The following ZFYVE28 variants were observed in gnomAD, a reference collection of about 807,000 sequenced individuals.
The protein encoded by ZFYVE28 is lateral signaling target protein 2 homolog.
Under a neutral mutation model 82.1 loss-of-function variants are expected in ZFYVE28, and 40 were observed. The observed-to-expected ratio is 0.49, with a 90% CI of 0.38 to 0.63. The LOEUF (loss-of-function observed/expected upper bound fraction) is 0.63. ZFYVE28 is among the 30% of genes least tolerant of loss of function. The pLI, the probability that ZFYVE28 is intolerant of heterozygous loss-of-function variation, is 0.00. For synonymous variants in ZFYVE28, 612 were observed against 546.1 expected (o/e 1.12, Z -1.68); for missense variants, 1,321 against 1,242.1 (o/e 1.06, Z -0.96).
chr4:2,323,574 G>T (rs971811378), intron 6 of ZFYVE28, among the ~76,000 whole-genome samples: 1 of 150,912 alleles, frequency 6.6e-6, no homozygotes, highest in Non-Finnish European at 1.5e-5. Flanking sequence ...TTAAGTTTTA[G>T]GGTACATGTG....
intron 1 of ZFYVE28, among the ~76,000 whole-genome samples, chr4:2,406,085 A>AAATT (rs1397673350): frequency 3.4e-4 from 50 of 148,532 alleles, no homozygotes; most frequent in African/African-American, 1.2e-3. Context: ...AAAGGAAAGA[A>AAATT]AATTAGCCGG....
Position 2,270,575 on chromosome 4 carries a change from A to C in ZFYVE28, c.*150T>G. 8.4e-7 allele frequency: 1 copy of C among 1,186,674 alleles called. No homozygotes were observed. Among genetic ancestry groups the C allele is most frequent in the Non-Finnish European group, 1.2e-6 (1 of 842,888 alleles). 73.5% of individuals were successfully genotyped at this position (1,186,674 alleles called of 1,614,324 possible). A position where few individuals can be genotyped will look rare whatever the true frequency, so the allele number is the denominator to read the frequency against. On this transcript the variant is annotated 3_prime_UTR_variant, in exon 13 of 13. Transcript: ENST00000290974. ...TCCCTGCAGGGAGGCTAGCGTGGGC[A>C]GGACAGAGGCTCTGGATGCTCTGGA...
intron 1 of ZFYVE28, among the ~76,000 whole-genome samples, chr4:2,377,317 C>T (rs1024703046): frequency 2.0e-5 from 3 of 152,208 alleles, no homozygotes; most frequent in East Asian, 3.8e-4. Context: ...CCACTGCGCC[C>T]GGCCTAGGGC....
intron 7 of ZFYVE28, among the ~76,000 whole-genome samples, chr4:2,317,582 C>G (rs1198439204): frequency 6.6e-6 from 1 of 152,158 alleles, no homozygotes; most frequent in East Asian, 1.9e-4. Flanking sequence ...CCACATGCAA[C>G]TTCAAAATCT....
At chr4:2,357,553 G>A (rs548324631) in intron 1 of ZFYVE28, among the ~76,000 whole-genome samples, 3 of 152,242 alleles carry the variant, frequency 2.0e-5, no homozygotes, top group South Asian at 2.1e-4. Flanking sequence ...AAACCTGCCC[G>A]CTCCCCTTCA....
chr4:2,349,917 C>T (rs551761403), intron 2 of ZFYVE28, among the ~76,000 whole-genome samples: 38 of 152,206 alleles, frequency 2.5e-4, no homozygotes, highest in Admixed American at 5.2e-4. Context: ...GCTAACATCA[C>T]GCTTATCTTT....
rs202138783 is a variant in ZFYVE28 at position 2,270,779 on chromosome 4, G to T, written c.2610C>A (p.Thr870=). Residue 870 remains threonine (T), a synonymous_variant, in exon 13 of 13, where the codon ACC becomes ACA. Transcript: ENST00000290974. ...GCGTGACATGGAACATGTAGCAGTGGGTGCACACTCGGACCGGCTTCACCT... is the reference window on the plus strand; with the variant it reads ...GCGTGACATGGAACATGTAGCAGTGTGTGCACACTCGGACCGGCTTCACCT... ...YGQVKPVRVC[T]HCYMFHVTPF... 1.3e-5 allele frequency: 21 copies of T among 1,613,266 alleles called. No homozygotes were observed. In the East Asian group the frequency reaches 4.5e-4, roughly 34 times the overall value.
At chr4:2,294,983 CATT>C (rs1714319958) in intron 8 of ZFYVE28, among the ~76,000 whole-genome samples, 1 of 151,622 alleles carries the variant, frequency 6.6e-6, no homozygotes, top group African/African-American at 2.4e-5. Flanking sequence ...AGATTTTCAA[CATT>C]ATTATTCCTC....
At chr4:2,330,620 G>A (rs1240557782) in intron 6 of ZFYVE28, 3 of 1,350,094 alleles carry the variant, frequency 2.2e-6, no homozygotes, top group East Asian at 3.0e-5. Context: ...ATAGACAAGG[G>A]GACAGCATAG....
intron 6 of ZFYVE28, among the ~76,000 whole-genome samples, chr4:2,333,091 C>G (rs1055060509): frequency 6.6e-6 from 1 of 151,954 alleles, no homozygotes; most frequent in Non-Finnish European, 1.5e-5. Flanking sequence ...CCGAGGGGAC[C>G]CCACGCCAGT....
chr4:2,344,994 G>A (rs1366307047), intron 2 of ZFYVE28, among the ~76,000 whole-genome samples: 5 of 152,028 alleles, frequency 3.3e-5, no homozygotes, highest in East Asian at 1.9e-4. Context: ...GGTAGATCAC[G>A]AGGTCAGGAG....
chr4:2,327,193 T>G (rs1719957891), intron 6 of ZFYVE28, among the ~76,000 whole-genome samples: 1 of 143,870 alleles, frequency 7.0e-6, no homozygotes, highest in Non-Finnish European at 1.5e-5. Flanking sequence ...GAGGTTGTAG[T>G]GAGCTGAGAT....
At chr4:2,272,500 G>A (rs1162441640) in intron 10 of ZFYVE28, among the ~76,000 whole-genome samples, 2 of 152,220 alleles carry the variant, frequency 1.3e-5, no homozygotes, top group Non-Finnish European at 2.9e-5. Flanking sequence ...GCACGTGTGA[G>A]TGGGAGCGTA....
rs370314359 is a variant in ZFYVE28 at position 2,305,449 on chromosome 4, G to A, written c.891C>T (p.Arg297=). ...GGGCAGCGGGTCCCTGCACGTCTGC[G>A]CGGATGGGGAACTCCACGTCTTGGG... The part of the protein sequence containing the change: ...CISQDVEFPI[R]ADVQGPAALA... Residue 297 remains arginine (R), a synonymous_variant, in exon 8 of 13, where the codon CGC becomes CGT. Transcript: ENST00000290974. The A allele has an allele frequency of 4.3e-5, 69 of 1,612,956 alleles. No homozygotes were observed. The highest frequency in any genetic ancestry group is 1.0e-4 in the Admixed American group (6 of 60,030).
intron 8 of ZFYVE28, among the ~76,000 whole-genome samples, chr4:2,304,045 C>T (rs965599862): frequency 2.6e-5 from 4 of 152,252 alleles, no homozygotes; most frequent in Non-Finnish European, 5.9e-5. Context: ...ACATCAGAAA[C>T]AGGGAAGCGG....
chr4:2,411,273 A>G (rs1420709892), intron 1 of ZFYVE28, among the ~76,000 whole-genome samples: 6 of 152,208 alleles, frequency 3.9e-5, no homozygotes, highest in Non-Finnish European at 8.8e-5. Context: ...CCAGCAGGAA[A>G]ACAATGAGAA....
At chr4:2,279,334 A>G (rs1711582583) in intron 8 of ZFYVE28, among the ~76,000 whole-genome samples, 1 of 152,184 alleles carries the variant, frequency 6.6e-6, no homozygotes, top group African/African-American at 2.4e-5. Flanking sequence ...CGGGAAGCTG[A>G]GCAGGAGAAT....
At chr4:2,363,770 A>T (rs1475052052) in intron 1 of ZFYVE28, among the ~76,000 whole-genome samples, 1 of 152,224 alleles carries the variant, frequency 6.6e-6, no homozygotes, top group Admixed American at 6.5e-5. Flanking sequence ...TCCACGAAGT[A>T]GGAGTCTTCT....
In ZFYVE28 at chr4:2,315,371, C is replaced by T. The variant is rs151136626; in HGVS notation, c.803+4799G>A. 4.1e-3 allele frequency among the ~76,000 whole-genome samples: 626 copies of T among 152,242 alleles called. 3 individuals carry two copies. Among genetic ancestry groups the T allele is most frequent in the African/African-American group, 0.014 (600 of 41,532 alleles). ...CGTGATCTCTGCTCACTGCAACTTC[C>T]GCCTCCCAGGTTCAAGTGATTCTCG... On this transcript the variant is annotated intron_variant, in intron 7 of 12. Coordinates refer to ENST00000290974, the MANE Select transcript of ZFYVE28 (RefSeq NM_020972.3).
Sources: gnomAD v4.1 joint callset for allele counts (sites outside exome capture counted in the v4.1 genomes callset) on GRCh38, gnomAD v4.1.1 for gene constraint, MANE v1.5 for transcripts, NCBI Gene and HGNC (gene_info 2026-07-23, HGNC 2026-07-21) for gene names.